HPSE2: variants seen among roughly 807,000 people sequenced by gnomAD.
HPSE2 encodes heparanase 2 (inactive).
In HPSE2, 38 loss-of-function variants were observed where a neutral mutation model predicts 60.5. That is an observed-to-expected ratio of 0.63 (90% CI 0.48 to 0.82). The LOEUF is 0.82. Among genes scored for constraint, HPSE2 ranks in the 40% least tolerant of loss-of-function variants. The pLI, the probability that HPSE2 is intolerant of heterozygous loss-of-function variation, is 0.00. For synonymous variants in HPSE2, 295 were observed against 293.2 expected (o/e 1.01, Z -0.06); for missense variants, 713 against 740.4 (o/e 0.96, Z 0.43).
chr10:98,926,751 G>A (rs1388715784), intron 3 of HPSE2, among the ~76,000 whole-genome samples: 2 of 152,156 alleles, frequency 1.3e-5, no homozygotes, highest in African/African-American at 4.8e-5. Context: ...ATTAAAAGTT[G>A]TGATACATCT....
At chr10:98,742,225 A>G (rs960652840) in intron 4 of HPSE2, among the ~76,000 whole-genome samples, 2 of 152,144 alleles carry the variant, frequency 1.3e-5, no homozygotes, top group African/African-American at 2.4e-5. Context: ...ACTATCCCCA[A>G]ATTTCCACAG....
the HPSE2 span, among the ~76,000 whole-genome samples, chr10:99,278,722 T>G: frequency 6.6e-6 from 1 of 152,212 alleles, no homozygotes; most frequent in Non-Finnish European, 1.5e-5. Context: ...AAACTTACTG[T>G]GTGATCTTAG....
At chr10:98,844,465 T>C (rs982723298) in intron 3 of HPSE2, among the ~76,000 whole-genome samples, 3 of 152,226 alleles carry the variant, frequency 2.0e-5, no homozygotes, top group African/African-American at 7.2e-5. Context: ...TTCTTGGAAC[T>C]AGACAGTACA....
intron 3 of HPSE2, among the ~76,000 whole-genome samples, chr10:98,757,546 G>A (rs1167564995): frequency 2.0e-5 from 3 of 151,954 alleles, no homozygotes; most frequent in African/African-American, 7.2e-5. Flanking sequence ...CATTGTCCAA[G>A]CTGAGAGCCA....
chr10:99,168,499 A>G (rs555881031), intron 2 of HPSE2, among the ~76,000 whole-genome samples: 1 of 152,346 alleles, frequency 6.6e-6, no homozygotes, highest in African/African-American at 2.4e-5. Flanking sequence ...TCTGCTAATA[A>G]TAACAATTTT....
intron 3 of HPSE2, among the ~76,000 whole-genome samples, chr10:99,012,875 G>A (rs2135404831): frequency 6.6e-6 from 1 of 152,298 alleles, no homozygotes; most frequent in South Asian, 2.1e-4. Flanking sequence ...TGAGAAAAAT[G>A]TGATTCACAG....
chr10:98,868,224 A>T (rs1214834129), intron 3 of HPSE2, among the ~76,000 whole-genome samples: 1 of 151,940 alleles, frequency 6.6e-6, no homozygotes, highest in Non-Finnish European at 1.5e-5. Flanking sequence ...TATTATGTTA[A>T]ATGAAATAAG....
At chr10:99,241,935 AAT>A in the HPSE2 span, among the ~76,000 whole-genome samples, 2 of 152,338 alleles carry the variant, frequency 1.3e-5, no homozygotes, top group Admixed American at 6.5e-5. Flanking sequence ...TATCTAATAT[AAT>A]ATGGTGTTAA....
intron 2 of HPSE2, among the ~76,000 whole-genome samples, chr10:99,150,661 G>A (rs1440373839): frequency 6.6e-6 from 1 of 152,130 alleles, no homozygotes; most frequent in Non-Finnish European, 1.5e-5. Flanking sequence ...CACTTCAGGA[G>A]ACATAAAATG....
chr10:98,970,913 C>T (rs1261165184), intron 3 of HPSE2, among the ~76,000 whole-genome samples: 2 of 152,018 alleles, frequency 1.3e-5, no homozygotes. Context: ...AAGTTATTTC[C>T]CCCTAAAAAC....
chr10:98,833,976 A>G (rs1387299428), intron 3 of HPSE2, among the ~76,000 whole-genome samples: 1 of 152,144 alleles, frequency 6.6e-6, no homozygotes, highest in Non-Finnish European at 1.5e-5. Context: ...GTATTTTACC[A>G]AATACCCTTA....
chr10:98,524,555 C>A (rs1457552211), intron 9 of HPSE2, among the ~76,000 whole-genome samples: 1 of 152,166 alleles, frequency 6.6e-6, no homozygotes, highest in Non-Finnish European at 1.5e-5. Flanking sequence ...TATTAGCCAA[C>A]CACTTTTGCT....
chr10:99,035,547 C>T (rs899259076), intron 3 of HPSE2, among the ~76,000 whole-genome samples: 3 of 152,012 alleles, frequency 2.0e-5, no homozygotes, highest in Non-Finnish European at 4.4e-5. Context: ...ATAGTATACA[C>T]GTAAACCAGT....
chr10:98,841,176 T>G (rs569402836), intron 3 of HPSE2, among the ~76,000 whole-genome samples: 3 of 152,318 alleles, frequency 2.0e-5, no homozygotes, highest in Admixed American at 1.3e-4. Context: ...GAGAATCGCT[T>G]GAACCCTGGA....
the HPSE2 span, among the ~76,000 whole-genome samples, chr10:99,250,517 T>C: frequency 1.3e-5 from 2 of 152,276 alleles, no homozygotes; most frequent in East Asian, 3.9e-4. Flanking sequence ...AGTAGACATC[T>C]ACAAAATACT....
intron 3 of HPSE2, among the ~76,000 whole-genome samples, chr10:99,027,676 T>TACCACCACCACCACCACCACCACCACC (rs35049969): frequency 4.3e-5 from 6 of 139,250 alleles, no homozygotes; most frequent in Admixed American, 4.3e-4. Context: ...CCACCACCAC[T>TACCACCACCACCACCACCACCACCACC]ACCACCACCA....
intron 9 of HPSE2, among the ~76,000 whole-genome samples, chr10:98,579,366 C>T (rs1013656817): frequency 1.3e-5 from 2 of 152,142 alleles, no homozygotes; most frequent in Admixed American, 1.3e-4. Context: ...GTCCTATGGC[C>T]AGACCTCCAC....
intron 3 of HPSE2, among the ~76,000 whole-genome samples, chr10:98,960,730 T>TTTTTTTTTTTTTTTTTTTTTTTTTTTTG (rs1955647062): frequency 4.0e-5 from 1 of 24,784 alleles, no homozygotes; most frequent in Non-Finnish European, 9.1e-5. Flanking sequence ...TGTTTTATTT[T>TTTTTTTTTTTTTTTTTTTTTTTTTTTTG]TTTTATTTTA....
At chr10:98,485,568 A>G (rs1435287799) in intron 10 of HPSE2, among the ~76,000 whole-genome samples, 1 of 150,896 alleles carries the variant, frequency 6.6e-6, no homozygotes, top group Non-Finnish European at 1.5e-5. Context: ...ACTCTGAAGA[A>G]GGATGCTGGC....
Sources: gnomAD v4.1 joint callset for allele counts (sites outside exome capture counted in the v4.1 genomes callset) on GRCh38, gnomAD v4.1.1 for gene constraint, MANE v1.5 for transcripts, NCBI Gene and HGNC (gene_info 2026-07-23, HGNC 2026-07-21) for gene names.